The following PLXDC2 variants were observed in gnomAD, a reference collection of about 807,000 sequenced individuals.
PLXDC2 encodes plexin domain containing 2.
A neutral mutation model predicts 68.9 loss-of-function variants in PLXDC2; 40 were observed. That is an observed-to-expected ratio of 0.58 (90% CI 0.45 to 0.76). The LOEUF (loss-of-function observed/expected upper bound fraction) is 0.76, where lower values mean the gene tolerates loss of function less well. Ranked by LOEUF, PLXDC2 falls within the 30% of genes least tolerant of loss-of-function variation. The probability of loss-of-function intolerance (pLI) is 0.00; values close to 1 mark genes in which losing one functional copy is unlikely to be tolerated. For synonymous variants in PLXDC2, 243 were observed against 234.2 expected, an observed-to-expected ratio of 1.04 and a Z score of -0.34; for missense variants, 644 against 661.9, an observed-to-expected ratio of 0.97 and a Z score of 0.30.
At chr10:20,121,174 A>G (rs2131760646) in intron 4 of PLXDC2, among the ~76,000 whole-genome samples, 2 of 152,320 alleles carry the variant, frequency 1.3e-5, no homozygotes, top group East Asian at 3.9e-4. Context: ...TTTGGAAGTT[A>G]TGAGACATGT....
At chr10:20,184,609 G>A (rs973396268) in intron 9 of PLXDC2, among the ~76,000 whole-genome samples, 3 of 151,910 alleles carry the variant, frequency 2.0e-5, no homozygotes, top group African/African-American at 7.2e-5. Context: ...CATATCATAT[G>A]CTCATTTAGC....
intron 9 of PLXDC2, among the ~76,000 whole-genome samples, chr10:20,210,811 C>T (rs1396801527): frequency 1.3e-5 from 2 of 152,114 alleles, no homozygotes; most frequent in African/African-American, 4.8e-5. Context: ...TACTTAATTT[C>T]CCCAATAACA....
At position 20,284,781 on chromosome 10, in the gene PLXDC2, A is replaced by C. The variant is rs1361391807; in HGVS notation, c.*4962A>C. The C allele has an allele frequency of 6.6e-6, 1 of 152,132 alleles. No individual in the cohort carries two copies. Among genetic ancestry groups the C allele is most frequent in the Non-Finnish European group, 1.5e-5 (1 of 68,024 alleles). 9.4% of individuals were successfully genotyped at this position (152,132 alleles called of 1,614,324 possible). A position where few individuals can be genotyped will look rare whatever the true frequency, so the allele number is the denominator to read the frequency against. The stretch of plus-strand genomic sequence containing the variant: ...GCACTTAAGGCCAACCAAGCAGCTT[A>C]GACAGCGCAGTCCACTCAACGGTAA... On this transcript the variant is annotated 3_prime_UTR_variant, in exon 14 of 14. Transcript: ENST00000377252.
intron 9 of PLXDC2, among the ~76,000 whole-genome samples, chr10:20,186,049 A>G (rs1001210909): frequency 6.6e-6 from 1 of 152,008 alleles, no homozygotes; most frequent in Admixed American, 6.6e-5. Flanking sequence ...GATAGCTAAA[A>G]ATGTTATAAC....
intron 4 of PLXDC2, among the ~76,000 whole-genome samples, chr10:20,099,279 A>T (rs1833391707): frequency 6.6e-6 from 1 of 152,142 alleles, no homozygotes; most frequent in Non-Finnish European, 1.5e-5. Flanking sequence ...AACATTTTGT[A>T]GTATATTCTT....
intron 3 of PLXDC2, among the ~76,000 whole-genome samples, chr10:20,060,909 A>T (rs950582431): frequency 6.6e-6 from 1 of 152,212 alleles, no homozygotes; most frequent in Non-Finnish European, 1.5e-5. Context: ...AAGATGCAGG[A>T]TTTTGGAGCC....
At chr10:20,078,853 T>G (rs1836498571) in intron 4 of PLXDC2, among the ~76,000 whole-genome samples, 1 of 152,200 alleles carries the variant, frequency 6.6e-6, no homozygotes. Context: ...TCTTATATTC[T>G]GAATTCCCTT....
intron 12 of PLXDC2, among the ~76,000 whole-genome samples, chr10:20,242,753 C>T (rs1835533616): frequency 6.6e-6 from 1 of 152,154 alleles, no homozygotes; most frequent in South Asian, 2.1e-4. Flanking sequence ...CTCTGTCGCC[C>T]AGGCTGGAGT....
chr10:19,910,838 G>A (rs1391608246), intron 1 of PLXDC2, among the ~76,000 whole-genome samples: 2 of 151,784 alleles, frequency 1.3e-5, no homozygotes, highest in Admixed American at 1.3e-4. Context: ...GTGAAACCCT[G>A]TCTTCACTAA....
At chr10:19,901,015 G>A (rs1838150463) in intron 1 of PLXDC2, among the ~76,000 whole-genome samples, 1 of 138,714 alleles carries the variant, frequency 7.2e-6, no homozygotes, top group African/African-American at 2.8e-5. Context: ...GTGTGTGTGT[G>A]TATTCATACA....
At chr10:19,992,064 G>T (rs1365560374) in intron 1 of PLXDC2, among the ~76,000 whole-genome samples, 1 of 152,176 alleles carries the variant, frequency 6.6e-6, no homozygotes, top group Admixed American at 6.5e-5. Flanking sequence ...TTACCAAGTG[G>T]TTTTAGTTGA....
chr10:19,823,106 C>T (rs1220624957), intron 1 of PLXDC2, among the ~76,000 whole-genome samples: 2 of 151,982 alleles, frequency 1.3e-5, no homozygotes, highest in Non-Finnish European at 2.9e-5. Context: ...TTAGTAGAGA[C>T]GGGGTTTCAC....
At chr10:19,879,236 A>C (rs933042625) in intron 1 of PLXDC2, among the ~76,000 whole-genome samples, 4 of 152,218 alleles carry the variant, frequency 2.6e-5, no homozygotes, top group Admixed American at 1.3e-4. Context: ...GAAAATGTGA[A>C]GTGTAAGCCT....
Position 20,000,268 on chromosome 10 carries a change from G to GGT in PLXDC2, c.113-1507_113-1506insGT, listed in dbSNP as rs1554852083. On this transcript the variant is annotated intron_variant, in intron 1 of 13. Coordinates refer to ENST00000377252, the MANE Select transcript of PLXDC2 (RefSeq NM_032812.9). ...CACACTCAGCCCTTTATGTACATGA[G>GGT]TTTTTTTTTTTGTTTTGTTTTGTTT... Among the ~76,000 whole-genome samples the GGT allele has an allele frequency of 2.0e-5, 3 of 148,844 alleles. No homozygotes were observed. In the East Asian group the frequency reaches 5.9e-4, roughly 29 times the overall value.
At chr10:20,216,891 G>C (rs1835144745) in intron 10 of PLXDC2, among the ~76,000 whole-genome samples, 1 of 152,158 alleles carries the variant, frequency 6.6e-6, no homozygotes, top group Non-Finnish European at 1.5e-5. Context: ...ATGTGGTTTT[G>C]AATATTTCAT....
intron 1 of PLXDC2, among the ~76,000 whole-genome samples, chr10:19,900,300 C>A (rs190533996): frequency 6.6e-6 from 1 of 152,234 alleles, no homozygotes; most frequent in East Asian, 1.9e-4. Context: ...TTTGGAATGA[C>A]AACTTATGAG....
chr10:20,184,115 G>C (rs930514327), intron 9 of PLXDC2, among the ~76,000 whole-genome samples: 1 of 151,762 alleles, frequency 6.6e-6, no homozygotes, highest in Admixed American at 6.6e-5. Flanking sequence ...GAAAAAATAT[G>C]AGATGATGGA....
At chr10:20,138,165 C>A (rs1303373698) in intron 4 of PLXDC2, among the ~76,000 whole-genome samples, 1 of 152,114 alleles carries the variant, frequency 6.6e-6, no homozygotes, top group African/African-American at 2.4e-5. Context: ...CAGAAATATA[C>A]CACAGGAACT....
chr10:20,028,817 T>G (rs529707106), intron 2 of PLXDC2, among the ~76,000 whole-genome samples: 6 of 152,304 alleles, frequency 3.9e-5, no homozygotes, highest in African/African-American at 1.4e-4. Context: ...ATTTGTACCT[T>G]CTCTGTTCCA....
Sources: gnomAD v4.1 joint callset for allele counts (sites outside exome capture counted in the v4.1 genomes callset) on GRCh38, gnomAD v4.1.1 for gene constraint, MANE v1.5 for transcripts, NCBI Gene and HGNC (gene_info 2026-07-23, HGNC 2026-07-21) for gene names.